The following MGAT4A variants were observed in gnomAD, a reference collection of about 807,000 sequenced individuals.
MGAT4A encodes alpha-1,3-mannosyl-glycoprotein 4-beta-N-acetylglucosaminyltransferase A.
MGAT4A carries 33 observed loss-of-function variants against 74.1 expected under a neutral mutation model. The ratio of observed to expected loss-of-function variants is 0.45; its 90% CI spans 0.34 to 0.60. The LOEUF (loss-of-function observed/expected upper bound fraction) is 0.60, where lower values mean the gene tolerates loss of function less well. Ranked by LOEUF, MGAT4A falls within the 20% of genes least tolerant of loss-of-function variation. MGAT4A has a pLI of 0.02. For missense variants in MGAT4A, 479 were observed against 628.3 expected, an observed-to-expected ratio of 0.76 and a Z score of 2.54; for synonymous variants, 198 against 210.4, an observed-to-expected ratio of 0.94 and a Z score of 0.51.
Position 98,625,487 on chromosome 2 carries a change from A to C in MGAT4A, c.*79T>G. ...ACTTCACAAGAGGTAGTGTTCAAGT[A>C]GAAATAAAAAAAAGATACATGCTTA... is the stretch of plus-strand genomic sequence containing the variant. On this transcript the variant is annotated 3_prime_UTR_variant, in exon 16 of 16. Coordinates refer to ENST00000393487, the MANE Select transcript of MGAT4A (RefSeq NM_012214.3). 6.3e-7 allele frequency: 1 copy of C among 1,581,624 alleles called. No individual in the cohort carries two copies. The highest frequency in any genetic ancestry group is 8.6e-7 in the Non-Finnish European group (1 of 1,169,148).
chr2:98,639,130 C>A (rs1016458556), intron 12 of MGAT4A, among the ~76,000 whole-genome samples: 5 of 151,904 alleles, frequency 3.3e-5, no homozygotes, highest in Non-Finnish European at 1.5e-5. Flanking sequence ...ACTAAAAATA[C>A]AAAAAAATTA....
At chr2:98,703,715 C>G (rs1333133156) in intron 2 of MGAT4A, among the ~76,000 whole-genome samples, 1 of 152,142 alleles carries the variant, frequency 6.6e-6, no homozygotes, top group East Asian at 1.9e-4. Flanking sequence ...ACACCCCCAA[C>G]ACTCCCTACC....
intron 8 of MGAT4A, among the ~76,000 whole-genome samples, chr2:98,646,103 A>C (rs891048409): frequency 2.2e-4 from 33 of 152,296 alleles, no homozygotes; most frequent in African/African-American, 7.7e-4. Context: ...AATACACGTA[A>C]AAATTTGAAA....
chr2:98,692,978 C>T (rs1294115503), intron 2 of MGAT4A, among the ~76,000 whole-genome samples: 1 of 152,024 alleles, frequency 6.6e-6, no homozygotes, highest in African/African-American at 2.4e-5. Flanking sequence ...ACAGGATAAA[C>T]CTGAAGAAAC....
intron 2 of MGAT4A, among the ~76,000 whole-genome samples, chr2:98,701,732 T>G (rs1044382825): frequency 6.6e-6 from 1 of 152,248 alleles, no homozygotes; most frequent in Non-Finnish European, 1.5e-5. Context: ...TGGCAGAGGC[T>G]AGGTCTACAT....
intron 4 of MGAT4A, among the ~76,000 whole-genome samples, chr2:98,665,219 C>T (rs527626179): frequency 1.6e-4 from 24 of 151,370 alleles, no homozygotes; most frequent in Middle Eastern, 6.8e-3. Context: ...GTCCCAGCTA[C>T]TCAGGAGGCT....
Position 98,628,311 on chromosome 2 carries a change from G to A in MGAT4A, c.1469-2476C>T, listed in dbSNP as rs532405356. Among the ~76,000 whole-genome samples the A allele has an allele frequency of 5.3e-5, 8 of 152,270 alleles. No individual in the cohort carries two copies. In the South Asian group the frequency reaches 1.7e-3, roughly 32 times the overall value. ...CTCAAAATAATCTGCTTTGTTTTTT[G>A]AATACTGATATTGCTCCCAATGTCC... is the stretch of plus-strand genomic sequence containing the variant. On this transcript the variant is annotated intron_variant, in intron 14 of 15. Transcript: ENST00000393487.
chr2:98,621,232 TG>T lies in MGAT4A; in HGVS notation c.*4333del. On this transcript the variant is annotated 3_prime_UTR_variant, in exon 16 of 16. Coordinates refer to ENST00000393487, the MANE Select transcript of MGAT4A (RefSeq NM_012214.3). Reference sequence around the variant, plus strand: ...TTCTCGGCTTAGGGTCTCACAAGGCTGGATTCAAAGTGTTGGCCAGGCTGGG... The same window carrying T: ...TTCTCGGCTTAGGGTCTCACAAGGCTGATTCAAAGTGTTGGCCAGGCTGGG... 1.4e-6 allele frequency: 1 copy of T among 708,452 alleles called. No homozygotes were observed. Among genetic ancestry groups the T allele is most frequent in the African/African-American group, 1.8e-5 (1 of 54,864 alleles). The allele number at this position is 708,452 out of a possible 1,614,324, so 43.9% of individuals were successfully genotyped here.
intron 4 of MGAT4A, among the ~76,000 whole-genome samples, chr2:98,674,167 A>C (rs1332337113): frequency 5.3e-5 from 8 of 152,230 alleles, no homozygotes; most frequent in Non-Finnish European, 1.2e-4. Context: ...CAAATAAGAC[A>C]GCAAAATACT....
intron 8 of MGAT4A, 79 bp from the exon 9 acceptor site, chr2:98,645,621 C>A: frequency 1.0e-6 from 1 of 978,148 alleles, no homozygotes; most frequent in South Asian, 2.7e-5. Flanking sequence ...TGGAAAAATA[C>A]AAGCATACCT....
At chr2:98,682,461 A>G (rs1378353536) in intron 2 of MGAT4A, among the ~76,000 whole-genome samples, 1 of 150,888 alleles carries the variant, frequency 6.6e-6, no homozygotes, top group Non-Finnish European at 1.5e-5. Flanking sequence ...CCACTTTGCA[A>G]CCATCATAGC....
intron 2 of MGAT4A, among the ~76,000 whole-genome samples, chr2:98,692,672 C>A (rs939033116): frequency 1.4e-4 from 21 of 152,114 alleles, no homozygotes; most frequent in Non-Finnish European, 2.8e-4. Flanking sequence ...TATTTAGATA[C>A]ACAAATACTT....
At chr2:98,685,333 G>A (rs1702114205) in intron 2 of MGAT4A, among the ~76,000 whole-genome samples, 1 of 151,304 alleles carries the variant, frequency 6.6e-6, no homozygotes, top group Non-Finnish European at 1.5e-5. Context: ...TTTTAAATAT[G>A]AATGAGGAAG....
intron 2 of MGAT4A, among the ~76,000 whole-genome samples, chr2:98,717,836 C>T (rs1702612589): frequency 6.6e-6 from 1 of 152,202 alleles, no homozygotes; most frequent in African/African-American, 2.4e-5. Context: ...ACAAACAGTG[C>T]CTGGCATGCC....
At position 98,622,254 on chromosome 2, in the gene MGAT4A, G is replaced by A. The variant is rs905545303; in HGVS notation, c.*3312C>T. 1 of 985,306 alleles carries A rather than the reference G, an allele frequency of 1.0e-6. No homozygotes were observed. Among genetic ancestry groups the A allele is most frequent in the African/African-American group, 1.7e-5 (1 of 57,226 alleles). The allele number at this position is 985,306 out of a possible 1,614,324, so 61.0% of individuals were successfully genotyped here. A position where few individuals can be genotyped will look rare whatever the true frequency, so the allele number is the denominator to read the frequency against. Reference sequence around the variant, plus strand: ...GTTCATAATTAGCACTCTGGACACAGTACTGTTCAACAGAGCTTTCTGCAG... The same window carrying A: ...GTTCATAATTAGCACTCTGGACACAATACTGTTCAACAGAGCTTTCTGCAG... On this transcript the variant is annotated 3_prime_UTR_variant, in exon 16 of 16. Transcript: ENST00000393487.
At chr2:98,725,426 A>G (rs1273391613) in intron 2 of MGAT4A, among the ~76,000 whole-genome samples, 1 of 152,182 alleles carries the variant, frequency 6.6e-6, no homozygotes, top group Non-Finnish European at 1.5e-5. Context: ...AGTTGTCTTC[A>G]TGAGTCAATA....
chr2:98,670,178 T>C (rs564541869), intron 4 of MGAT4A, among the ~76,000 whole-genome samples: 45 of 152,254 alleles, frequency 3.0e-4, no homozygotes, highest in African/African-American at 1.0e-3. Flanking sequence ...GGTCATATCA[T>C]CCTTTTAGGC....
chr2:98,692,003 G>T (rs185690266), intron 2 of MGAT4A, among the ~76,000 whole-genome samples: 13 of 152,256 alleles, frequency 8.5e-5, no homozygotes, highest in Admixed American at 5.2e-4. Context: ...ATTTTATGTG[G>T]TTATACAATG....
At chr2:98,663,504 A>C (rs1369458146) in intron 4 of MGAT4A, 3 of 1,338,208 alleles carry the variant, frequency 2.2e-6, no homozygotes, top group Non-Finnish European at 2.9e-6. Flanking sequence ...ATATCTTAAA[A>C]ACTAATGTCT....
Sources: gnomAD v4.1 joint callset for allele counts (sites outside exome capture counted in the v4.1 genomes callset) on GRCh38, gnomAD v4.1.1 for gene constraint, MANE v1.5 for transcripts, NCBI Gene and HGNC (gene_info 2026-07-23, HGNC 2026-07-21) for gene names.